Variants in RAD21L1 observed in about 807,000 individuals in gnomAD.
The protein encoded by RAD21L1 is RAD21 cohesin complex component like 1.
RAD21L1 carries 47 observed loss-of-function variants against 69.0 expected under a neutral mutation model. That is an observed-to-expected ratio of 0.68 (90% CI 0.54 to 0.87). The LOEUF (loss-of-function observed/expected upper bound fraction) is 0.87, where lower values mean the gene tolerates loss of function less well. Ranked by LOEUF, RAD21L1 falls within the 40% of genes least tolerant of loss-of-function variation. The pLI is 0.00. For synonymous variants in RAD21L1, 177 were observed against 205.8 expected (o/e 0.86, Z 1.20); for missense variants, 583 against 647.6 (o/e 0.90, Z 1.08).
chr20:1,228,811 C>A (rs1448999627), intron 2 of RAD21L1, among the ~76,000 whole-genome samples: 1 of 152,124 alleles, frequency 6.6e-6, no homozygotes, highest in Non-Finnish European at 1.5e-5. Context: ...ATAGATTGGA[C>A]CCTAAGGGAC....
rs146221304 is a variant in RAD21L1 at position 1,247,523 on chromosome 20, C to G, written c.1402-1103C>G. ...TAGCTGAAGGGATTTAGAAAACTCTCTAGAATAAAGTGACCGTATTTTCAA... is the reference window on the plus strand; with the variant it reads ...TAGCTGAAGGGATTTAGAAAACTCTGTAGAATAAAGTGACCGTATTTTCAA... On this transcript the variant is annotated intron_variant, in intron 12 of 13. Coordinates refer to ENST00000683101, the MANE Select transcript of RAD21L1 (RefSeq NM_001384355.1). Among the ~76,000 whole-genome samples, 6 of 152,190 alleles carry G rather than the reference C, an allele frequency of 3.9e-5. No homozygotes were observed. The East Asian group carries it at 9.6e-4, about 24-fold the overall frequency.
At chr20:1,239,485 A>G in intron 7 of RAD21L1, 78 bp downstream of exon 7, 1 of 730,360 alleles carries the variant, frequency 1.4e-6, no homozygotes. Flanking sequence ...TTTAAGTAGC[A>G]ATATAGTATA....
intron 1 of RAD21L1, among the ~76,000 whole-genome samples, chr20:1,226,653 T>A (rs2087268537): frequency 6.6e-6 from 1 of 152,074 alleles, no homozygotes. Flanking sequence ...ACCCTGCCCT[T>A]TGCGGGCCGG....
intron 11 of RAD21L1, among the ~76,000 whole-genome samples, chr20:1,245,988 G>A (rs542330334): frequency 2.2e-4 from 34 of 152,028 alleles, no homozygotes; most frequent in Middle Eastern, 3.4e-3. Context: ...GGAGGGAAGG[G>A]GCATGCAAGT....
intron 5 of RAD21L1, among the ~76,000 whole-genome samples, chr20:1,234,696 G>C (rs922380586): frequency 3.9e-5 from 6 of 152,308 alleles, no homozygotes; most frequent in Middle Eastern, 3.4e-3. Flanking sequence ...TTGTGAAACA[G>C]AAACTGATTT....
At chr20:1,245,818 A>T (rs1231767708) in intron 11 of RAD21L1, among the ~76,000 whole-genome samples, 1 of 151,768 alleles carries the variant, frequency 6.6e-6, no homozygotes. Flanking sequence ...CTTATTGCAG[A>T]TCTCTTTCCT....
intron 5 of RAD21L1, among the ~76,000 whole-genome samples, chr20:1,237,624 A>G (rs754473565): frequency 4.6e-5 from 7 of 151,728 alleles, no homozygotes; most frequent in Admixed American, 2.0e-4. Context: ...CCATTTCCTG[A>G]GATGACTAAC....
At chr20:1,249,926 T>C (rs1179494840) in intron 13 of RAD21L1, among the ~76,000 whole-genome samples, 1 of 151,996 alleles carries the variant, frequency 6.6e-6, no homozygotes, top group Non-Finnish European at 1.5e-5. Flanking sequence ...TACATATGTA[T>C]ACATGCGCCA....
intron 13 of RAD21L1, among the ~76,000 whole-genome samples, chr20:1,253,850 A>G (rs2087883017): frequency 6.6e-6 from 1 of 152,132 alleles, no homozygotes; most frequent in Non-Finnish European, 1.5e-5. Context: ...CAACACCAAC[A>G]CTATAGTACC....
chr20:1,234,775 G>T (rs888136494), intron 5 of RAD21L1, among the ~76,000 whole-genome samples: 1 of 151,942 alleles, frequency 6.6e-6, no homozygotes, highest in Non-Finnish European at 1.5e-5. Context: ...TTTGACACAG[G>T]GTTTTGTTCT....
At chr20:1,243,030 G>A (rs2087647510) in intron 9 of RAD21L1, 67 bp from the exon 10 acceptor site, 3 of 1,044,626 alleles carry the variant, frequency 2.9e-6, no homozygotes, top group Non-Finnish European at 2.8e-6. Context: ...TTAGATATGT[G>A]CTTGTGTTTT....
intron 5 of RAD21L1, among the ~76,000 whole-genome samples, chr20:1,237,553 C>A (rs77356668): frequency 0.051 from 7,646 of 150,420 alleles, 242 homozygotes; most frequent in South Asian, 0.095. Context: ...TGCCTCCTAG[C>A]ATATTCGATA....
intron 13 of RAD21L1, among the ~76,000 whole-genome samples, chr20:1,249,394 C>T (rs573473525): frequency 9.7e-4 from 147 of 152,172 alleles, no homozygotes; most frequent in African/African-American, 3.4e-3. Context: ...GGTTTGATTG[C>T]GACAGGGAGC....
At chr20:1,228,224 A>C (rs1446174603) in intron 1 of RAD21L1, among the ~76,000 whole-genome samples, 198 bp from the exon 2 acceptor site, 3 of 152,206 alleles carry the variant, frequency 2.0e-5, no homozygotes, top group Non-Finnish European at 4.4e-5. Flanking sequence ...GTAGTTCACA[A>C]TTTACTAGAG....
At chr20:1,229,822 A>G in intron 2 of RAD21L1, 58 bp from the exon 3 acceptor site, 3 of 1,306,732 alleles carry the variant, frequency 2.3e-6, no homozygotes, top group Non-Finnish European at 3.1e-6. Context: ...TAACTTTCAA[A>G]GAATAGGATT....
intron 7 of RAD21L1, among the ~76,000 whole-genome samples, chr20:1,239,684 A>C (rs1717513207): frequency 6.6e-6 from 1 of 152,206 alleles, no homozygotes; most frequent in Admixed American, 6.5e-5. Flanking sequence ...ATGGTAAGAA[A>C]ATTTATTAAC....
chr20:1,229,377 C>T (rs2087339208), intron 2 of RAD21L1, among the ~76,000 whole-genome samples: 1 of 152,168 alleles, frequency 6.6e-6, no homozygotes, highest in African/African-American at 2.4e-5. Context: ...AGGACAATGC[C>T]TGGCATAAAA....
At chr20:1,234,336 T>C in intron 5 of RAD21L1, 145 bp downstream of exon 5, 2 of 593,172 alleles carry the variant, frequency 3.4e-6, no homozygotes, top group Non-Finnish European at 6.1e-6. Context: ...CTTGCCTTTT[T>C]CTAGTATAGA....
intron 6 of RAD21L1, among the ~76,000 whole-genome samples, chr20:1,238,839 T>A (rs2087550001): frequency 6.6e-6 from 1 of 152,164 alleles, no homozygotes; most frequent in Non-Finnish European, 1.5e-5. Context: ...TATTATTATT[T>A]TTGAGACGGA....
Sources: allele counts gnomAD v4.1 joint callset (sites outside exome capture counted in the v4.1 genomes callset), GRCh38; gene constraint gnomAD v4.1.1; transcripts MANE v1.5; gene names NCBI Gene and HGNC (gene_info 2026-07-23, HGNC 2026-07-21).